UNC13A: variants seen among roughly 807,000 people sequenced by gnomAD.
UNC13A encodes the protein protein unc-13 homolog A.
Under a neutral mutation model 219.7 loss-of-function variants are expected in UNC13A, and 61 were observed. That is an observed-to-expected ratio of 0.28 (90% CI 0.23 to 0.34). UNC13A has a LOEUF of 0.34. Among genes scored for constraint, UNC13A ranks in the 10% least tolerant of loss-of-function variants. UNC13A has a pLI of 1.00. For missense variants in UNC13A, 1,476 were observed against 2,270.3 expected (o/e 0.65, Z 7.11); for synonymous variants, 920 against 884.6 (o/e 1.04, Z -0.71).
In UNC13A at chr19:17,639,199, G is replaced by T; in HGVS notation, c.2965C>A (p.Pro989Thr). 1 of 1,613,970 alleles carries T rather than the reference G, an allele frequency of 6.2e-7. No individual in the cohort carries two copies. The highest frequency in any genetic ancestry group is 8.5e-7 in the Non-Finnish European group (1 of 1,179,902). ...TTTACCACCTGGCTGGCTCGGGGCG[G>T]GCTCTGGAGTTCTTGTACCTGAAGG... ...FRMKVQELQS[P>T]PRASQVVKDC... is the part of the protein sequence containing the mutation. The change falls in exon 25 of 44, where the codon CCG becomes ACG. Residue 989 changes from proline (P) to threonine (T), a missense_variant. Around this residue, in one of 14 missense-constraint regions of UNC13A, gnomAD observed 140 missense variants for 270.9 expected, o/e 0.52. Transcript: ENST00000519716.
intron 41 of UNC13A, chr19:17,616,477 G>T (rs757675764): frequency 2.0e-5 from 14 of 687,120 alleles, no homozygotes; most frequent in Non-Finnish European, 3.5e-5. Context: ...AATTGGGGGT[G>T]GGGGTGGAAG....
intron 11 of UNC13A, among the ~76,000 whole-genome samples, chr19:17,653,643 C>A (rs1287123238): frequency 1.3e-5 from 2 of 151,558 alleles, no homozygotes; most frequent in Admixed American, 1.3e-4. Context: ...GCCACTGCAT[C>A]CGGCTCTGAA....
intron 19 of UNC13A, among the ~76,000 whole-genome samples, chr19:17,644,998 C>A (rs2037229842): frequency 6.8e-6 from 1 of 147,596 alleles, no homozygotes; most frequent in African/African-American, 2.5e-5. Context: ...CCGGCGCCCC[C>A]AGCCTGGATT....
rs144808751 is a variant in UNC13A at position 17,655,397 on chromosome 19, G to A, written c.1284-15C>T. 3,265 of 1,555,118 alleles carry A rather than the reference G, an allele frequency of 2.1e-3. 2 individuals are homozygous for A. The highest frequency in any genetic ancestry group is 2.6e-3 in the Non-Finnish European group (2,988 of 1,147,998). ...TCGGCCTGAAACTGAGGCAGGGAAC[G>A]CTATGAGGCTCTGGGCTGGCTCTCC... is the stretch of plus-strand genomic sequence containing the variant. On this transcript the variant is annotated splice_polypyrimidine_tract_variant and intron_variant, in intron 10 of 43. Coordinates refer to ENST00000519716, the MANE Select transcript of UNC13A (RefSeq NM_001080421.3).
rs920702573 is a variant in UNC13A, at chr19:17,656,337, T to A, written c.829A>T (p.Ser277Cys). The A allele has an allele frequency of 6.4e-7, 1 of 1,559,208 alleles. No homozygotes were observed. The highest frequency in any genetic ancestry group is 1.4e-5 in the African/African-American group (1 of 73,540). Residue 277 changes from serine (S) to cysteine (C), a missense_variant, in exon 10 of 44, where the codon AGC becomes TGC. Physicochemically the swap from Ser to Cys is moderately radical, Grantham distance 112. This residue lies in a region of UNC13A where 351 missense variants were observed against 342.6 expected (regional missense o/e 1.02). Coordinates refer to ENST00000519716, the MANE Select transcript of UNC13A (RefSeq NM_001080421.3). ...GELSQGSSQL[S>C]EDFDPDEHSL... Reference sequence around the variant, plus strand: ...TGCTCGTCAGGGTCGAAGTCCTCGCTCAGCTGAGAGCTTCCCTGGCTCAGC... The same window carrying A: ...TGCTCGTCAGGGTCGAAGTCCTCGCACAGCTGAGAGCTTCCCTGGCTCAGC...
chr19:17,607,411 A>G (rs1223066886), intron 43 of UNC13A, among the ~76,000 whole-genome samples: 1 of 112,794 alleles, frequency 8.9e-6, no homozygotes, highest in Non-Finnish European at 1.7e-5. Context: ...ACAGGCATGC[A>G]CCACCACACC....
rs1599401373 is a variant in UNC13A, at chr19:17,667,810, G to A, written c.468+307C>T. Among the ~76,000 whole-genome samples the A allele has an allele frequency of 3.4e-5, 5 of 147,590 alleles. No individual in the cohort carries two copies. The South Asian group carries it at 8.7e-4, about 26-fold the overall frequency. ...TTTTTTTTTTTTTTTTAGTAGAGACGGGGTTTCACTGTGTTGACCAGGCTG... is the reference window on the plus strand; with the variant it reads ...TTTTTTTTTTTTTTTTAGTAGAGACAGGGTTTCACTGTGTTGACCAGGCTG... On this transcript the variant is annotated intron_variant, in intron 6 of 43. Transcript: ENST00000519716.
At position 17,639,842 on chromosome 19, in the gene UNC13A, G is replaced by A. The variant is rs2076949253; in HGVS notation, c.2854C>T (p.Arg952Trp). 2 of 1,613,700 alleles carry A rather than the reference G, an allele frequency of 1.2e-6. No individual in the cohort carries two copies. The highest frequency in any genetic ancestry group is 1.1e-5 in the South Asian group (1 of 91,042). Residue 952 changes from arginine (R) to tryptophan (W), a missense_variant and splice_region_variant, in exon 23 of 44, where the codon CGG (arginine) becomes TGG (tryptophan). By Grantham distance (101) the Arg-to-Trp change is moderately radical. This residue lies in a region of UNC13A where 140 missense variants were observed against 270.9 expected (regional missense o/e 0.52). Transcript: ENST00000519716. Reference sequence around the variant, plus strand: ...ATTCTCATGCACACACTTCCTACCCGGTACATGGAGAGGTCAATCCGCAGG... The same window carrying A: ...ATTCTCATGCACACACTTCCTACCCAGTACATGGAGAGGTCAATCCGCAGG... ...NSLRIDLSMY[R>W]NNFPASSPER... is the part of the protein sequence containing the mutation.
intron 19 of UNC13A, among the ~76,000 whole-genome samples, chr19:17,645,030 G>A (rs1411011816): frequency 8.0e-6 from 1 of 125,334 alleles, no homozygotes; most frequent in Non-Finnish European, 1.6e-5. Context: ...TTTTTTGAGT[G>A]GGAGTTTTGC....
intron 37 of UNC13A, 70 bp from the exon 38 acceptor site, chr19:17,620,792 G>A: frequency 6.4e-7 from 1 of 1,553,680 alleles, no homozygotes; most frequent in Non-Finnish European, 8.8e-7. Context: ...GGACTTCCCT[G>A]CCCCCTCAAA....
Position 17,617,728 on chromosome 19 carries a change from G to C in UNC13A, c.4532C>G (p.Thr1511Ser). 1 of 1,613,994 alleles carries C rather than the reference G, an allele frequency of 6.2e-7. No individual in the cohort carries two copies. Among genetic ancestry groups the C allele is most frequent in the Non-Finnish European group, 8.5e-7 (1 of 1,179,868 alleles). ...CTGGGCCGATTGCGTCTGTACAAAG[G>C]TCTTGATTAGCAGGTCGGTGGCCTG... ...YTQATDLLIKTFVQTQSAQGL... is the reference protein window; with the variant it reads ...YTQATDLLIKSFVQTQSAQGL... The change falls in exon 41 of 44, where the codon ACC becomes AGC. Residue 1511 changes from threonine (T) to serine (S), a missense_variant. Thr to Ser is a moderately conservative substitution (Grantham distance 58, BLOSUM62 1). Coordinates refer to ENST00000519716, the MANE Select transcript of UNC13A (RefSeq NM_001080421.3).
chr19:17,637,029 C>T (rs188442141), intron 25 of UNC13A, among the ~76,000 whole-genome samples: 52 of 149,894 alleles, frequency 3.5e-4, no homozygotes, highest in Non-Finnish European at 1.9e-4. Context: ...CAGGCTGGAG[C>T]GCAGTGGTGC....
chr19:17,630,741 T>A lies in UNC13A; in HGVS notation c.3438A>T (p.Glu1146Asp), dbSNP rs1159730918. 6.2e-7 allele frequency: 1 copy of A among 1,613,386 alleles called. No individual in the cohort carries two copies. The highest frequency in any genetic ancestry group is 2.2e-5 in the East Asian group (1 of 44,828). The change falls in exon 29 of 44, where the codon GAA becomes GAT. Residue 1146 changes from glutamate to aspartate, a missense_variant. By Grantham distance (45) the Glu-to-Asp change is conservative. This residue lies in a region of UNC13A where 218 missense variants were observed against 409.4 expected (regional missense o/e 0.53). Transcript: ENST00000519716. ...DRVPEYPAWF[E>D]PFVIQWLDEN... ...CATCCAGCCACTGGATGACGAAGGG[T>A]TCAAACCATCTGGAATGAAGAGCCG...
At position 17,608,383 on chromosome 19, in the gene UNC13A, AATAT is replaced by A. The variant is rs35540356; in HGVS notation, c.4811+1553_4811+1556del. On this transcript the variant is annotated intron_variant, in intron 43 of 43. Transcript: ENST00000519716. The stretch of plus-strand genomic sequence containing the variant: ...TAAATATATATTATATATGTATATA[AATAT>A]ATATATATTTATATATAATATATAA... 1.4e-4 allele frequency among the ~76,000 whole-genome samples: 18 copies of A among 124,160 alleles called. 1 individual carries two copies. The highest frequency in any genetic ancestry group is 3.4e-4 in the African/African-American group (11 of 32,434). The allele number at this position is 124,160 out of a possible 152,430, so 81.5% of individuals were successfully genotyped here. A position where few individuals can be genotyped will look rare whatever the true frequency, so the allele number is the denominator to read the frequency against.
At chr19:17,636,182 G>A in intron 25 of UNC13A, 25 bp from the exon 26 acceptor site, 1 of 1,568,666 alleles carries the variant, frequency 6.4e-7, no homozygotes, top group Non-Finnish European at 8.7e-7. Flanking sequence ...GGAGACCTCG[G>A]TTATAGGGGG....
chr19:17,633,477 T>C (rs1320827768), intron 26 of UNC13A, among the ~76,000 whole-genome samples: 2 of 152,028 alleles, frequency 1.3e-5, no homozygotes, highest in African/African-American at 4.8e-5. Flanking sequence ...CATTCATCCA[T>C]CCTTCCATCC....
intron 11 of UNC13A, among the ~76,000 whole-genome samples, chr19:17,653,443 G>A (rs2079389928): frequency 6.6e-6 from 1 of 151,826 alleles, no homozygotes; most frequent in Non-Finnish European, 1.5e-5. Flanking sequence ...CACCTCCTGG[G>A]TTCAAGCGAT....
At chr19:17,661,186 G>A (rs956061491) in intron 8 of UNC13A, among the ~76,000 whole-genome samples, 80 of 145,136 alleles carry the variant, frequency 5.5e-4, no homozygotes, top group Middle Eastern at 3.6e-3. Flanking sequence ...CGTCCCTCCC[G>A]CCTCAGCCTC....
intron 11 of UNC13A, among the ~76,000 whole-genome samples, chr19:17,654,287 A>G (rs1469455277): frequency 5.9e-5 from 9 of 152,114 alleles, no homozygotes; most frequent in Non-Finnish European, 1.2e-4. Context: ...CATAGTTCCA[A>G]TAGTAGCTGC....
Sources: allele counts gnomAD v4.1 joint callset (sites outside exome capture counted in the v4.1 genomes callset), GRCh38; gene constraint gnomAD v4.1.1; regional missense constraint gnomAD v4.1.1; transcripts MANE v1.5; gene names NCBI Gene and HGNC (gene_info 2026-07-23, HGNC 2026-07-21).